The following TSPAN7 variants were observed in gnomAD, a reference collection of about 807,000 sequenced individuals.
TSPAN7 encodes the protein tetraspanin-7.
Under a neutral mutation model 17.6 loss-of-function variants are expected in TSPAN7, and 1 was observed. That is an observed-to-expected ratio of 0.06 (90% CI 0.02 to 0.27). TSPAN7 has a LOEUF of 0.27. TSPAN7 is among the 10% of genes least tolerant of loss of function. The pLI is 1.00. For synonymous variants in TSPAN7, 78 were observed against 79.0 expected (o/e 0.99, Z 0.07); for missense variants, 112 against 201.7 (o/e 0.56, Z 2.69).
intron 2 of TSPAN7, among the ~76,000 whole-genome samples, chrX:38,669,938 T>G (rs1436551955): frequency 1.8e-5 from 2 of 112,137 alleles, no homozygotes; most frequent in Admixed American, 1.9e-4. Context: ...CACATCAAAC[T>G]CTGCTTTGAA....
At chrX:38,580,056 G>A (rs2069220052) in intron 1 of TSPAN7, among the ~76,000 whole-genome samples, 1 of 112,248 alleles carries the variant, frequency 8.9e-6, no homozygotes, top group African/African-American at 3.2e-5. Context: ...ATGTTTCCAT[G>A]TCGACAGACC....
Position 38,662,060 on chromosome X carries a change from G to A in TSPAN7, c.82-4061G>A, listed in dbSNP as rs191224550. On this transcript the variant is annotated intron_variant, in intron 1 of 7. Coordinates refer to ENST00000378482, the MANE Select transcript of TSPAN7 (RefSeq NM_004615.4). ...GAAGAATGTGATAAAATGCCAGTTA[G>A]AGTGTTTTATGGATCTTTAGCCCTT... 4.4e-3 allele frequency among the ~76,000 whole-genome samples: 487 copies of A among 111,504 alleles called. 2 individuals are homozygous for A. The highest frequency in any genetic ancestry group is 0.015 in the African/African-American group (467 of 30,650).
At chrX:38,602,262 G>A (rs770928951) in intron 1 of TSPAN7, among the ~76,000 whole-genome samples, 19 of 111,665 alleles carry the variant, frequency 1.7e-4, no homozygotes, top group Admixed American at 1.6e-3. Flanking sequence ...GTATGACAAA[G>A]GGATTGTTAT....
chrX:38,610,291 G>A (rs887495538), intron 1 of TSPAN7, among the ~76,000 whole-genome samples: 2 of 112,064 alleles, frequency 1.8e-5, no homozygotes, highest in African/African-American at 3.2e-5. Context: ...CAGCCAGTGA[G>A]TGGCAAAGCC....
At chrX:38,616,746 A>G (rs948041289) in intron 1 of TSPAN7, among the ~76,000 whole-genome samples, 2 of 111,513 alleles carry the variant, frequency 1.8e-5, no homozygotes, top group Non-Finnish European at 3.8e-5. Flanking sequence ...TCCATAGCTT[A>G]CTGAGGTGGG....
At chrX:38,587,854 T>A (rs1319800255) in intron 1 of TSPAN7, among the ~76,000 whole-genome samples, 1 of 112,025 alleles carries the variant, frequency 8.9e-6, no homozygotes, top group East Asian at 2.8e-4. Flanking sequence ...AAAACAAGAC[T>A]GAGTGTTTGA....
chrX:38,639,041 A>T (rs1268679000), intron 1 of TSPAN7, among the ~76,000 whole-genome samples: 2 of 111,439 alleles, frequency 1.8e-5, no homozygotes. Context: ...CTGACTGATT[A>T]TATGGATAAG....
At chrX:38,564,918 G>T (rs1254931466) in intron 1 of TSPAN7, among the ~76,000 whole-genome samples, 1 of 111,216 alleles carries the variant, frequency 9.0e-6, no homozygotes, top group Non-Finnish European at 1.9e-5. Flanking sequence ...CTATTTTGTG[G>T]GTTATCTTTA....
Position 38,674,277 on chromosome X carries a change from T to C in TSPAN7, c.402T>C (p.Asn134=), listed in dbSNP as rs754183451. Residue 134 remains asparagine, a synonymous_variant, in exon 4 of 8, where the codon AAT becomes AAC. Transcript: ENST00000378482. ...YTDAMQTYNG[N]DERSRAVDHV... The stretch of plus-strand genomic sequence containing the variant: ...ACGCTATGCAGACTTACAATGGCAA[T>C]GATGAGAGGAGCCGGGCAGTGGACC... The C allele has an allele frequency of 1.7e-6, 2 of 1,199,964 alleles. No homozygotes were observed.
intron 6 of TSPAN7, among the ~76,000 whole-genome samples, chrX:38,684,528 C>T (rs1459317606): frequency 1.8e-5 from 2 of 111,209 alleles, no homozygotes; most frequent in Non-Finnish European, 3.8e-5. Context: ...CCTATCCCCA[C>T]CCCCAAAATG....
intron 1 of TSPAN7, among the ~76,000 whole-genome samples, chrX:38,598,846 G>A (rs1464965628): frequency 8.9e-6 from 1 of 111,788 alleles, no homozygotes; most frequent in Non-Finnish European, 1.9e-5. Flanking sequence ...TAGTTATAAA[G>A]TACAATAAAC....
chrX:38,638,737 T>C (rs1310506176), intron 1 of TSPAN7, among the ~76,000 whole-genome samples: 1 of 111,827 alleles, frequency 8.9e-6, no homozygotes, highest in Non-Finnish European at 1.9e-5. Flanking sequence ...CACTGCATGT[T>C]CTAAGGCAAG....
At chrX:38,685,829 C>T (rs1171665759) in intron 6 of TSPAN7, among the ~76,000 whole-genome samples, 1 of 111,894 alleles carries the variant, frequency 8.9e-6, no homozygotes, top group African/African-American at 3.3e-5. Flanking sequence ...CATTTTGTAT[C>T]AAGGACTTGA....
At position 38,652,647 on chromosome X, in the gene TSPAN7, C is replaced by G. The variant is rs761067302; in HGVS notation, c.82-13474C>G. The stretch of plus-strand genomic sequence containing the variant: ...TCAAACAAGTAATGTATAAATAATC[C>G]AGAACACAGCCCAGTTCATAAAATG... On this transcript the variant is annotated intron_variant, in intron 1 of 7. Transcript: ENST00000378482. Among the ~76,000 whole-genome samples the G allele has an allele frequency of 6.2e-4, 69 of 112,143 alleles. No homozygotes were observed. The Middle Eastern group carries it at 0.023, about 37-fold the overall frequency.
At chrX:38,606,628 A>G (rs759905418) in intron 1 of TSPAN7, among the ~76,000 whole-genome samples, 31 of 111,455 alleles carry the variant, frequency 2.8e-4, no homozygotes, top group African/African-American at 9.4e-4. Flanking sequence ...GAAGTGATGA[A>G]TGCAACACCA....
chrX:38,638,982 A>G (rs181410950), intron 1 of TSPAN7, among the ~76,000 whole-genome samples: 1 of 111,338 alleles, frequency 9.0e-6, no homozygotes, highest in East Asian at 2.8e-4. Flanking sequence ...GAAGCCTCCT[A>G]GTGTACATGG....
In TSPAN7 at chrX:38,687,642, C is replaced by T. The variant is rs1804492; in HGVS notation, c.725C>T (p.Thr242Met). ...LLACCLSRFI[T>M]ANQYEMV ...GCCTGCTGTCTGTCCCGGTTCATCA[C>T]GGCCAATCAGTATGAGATGGTGTAA... The change falls in exon 7 of 8, where the codon ACG (threonine) becomes ATG (methionine). Residue 242 changes from threonine to methionine, a missense_variant. Physicochemically the swap from Thr to Met is moderately conservative, Grantham distance 81 (BLOSUM62 -1). Transcript: ENST00000378482. 76 of 1,208,853 alleles carry T rather than the reference C, an allele frequency of 6.3e-5. No individual in the cohort carries two copies. The highest frequency in any genetic ancestry group is 1.2e-4 in the African/African-American group (7 of 57,070).
intron 1 of TSPAN7, among the ~76,000 whole-genome samples, chrX:38,561,902 G>A (rs964961668): frequency 8.9e-6 from 1 of 111,791 alleles, no homozygotes; most frequent in Admixed American, 9.4e-5. Context: ...AAATGTTAAT[G>A]CATTAGTTTC....
At chrX:38,684,426 G>A (rs1482426515) in intron 6 of TSPAN7, among the ~76,000 whole-genome samples, 1 of 111,275 alleles carries the variant, frequency 9.0e-6, no homozygotes, top group African/African-American at 3.3e-5. Context: ...GTTTAGTAGG[G>A]TACCTCTTCG....
Sources: gnomAD v4.1 joint callset for allele counts (sites outside exome capture counted in the v4.1 genomes callset) on GRCh38, gnomAD v4.1.1 for gene constraint, MANE v1.5 for transcripts, NCBI Gene and HGNC (gene_info 2026-07-23, HGNC 2026-07-21) for gene names.